The following ASIC2 variants were observed in gnomAD, a reference collection of about 807,000 sequenced individuals.
ASIC2 encodes acid-sensing ion channel 2.
Under a neutral mutation model 57.3 loss-of-function variants are expected in ASIC2, and 25 were observed. That is an observed-to-expected ratio of 0.44 (90% confidence interval 0.32 to 0.61). The LOEUF (loss-of-function observed/expected upper bound fraction) is 0.61, where lower values mean the gene tolerates loss of function less well. Ranked by LOEUF, ASIC2 falls within the 20% of genes least tolerant of loss-of-function variation. The pLI, the probability that ASIC2 is intolerant of heterozygous loss-of-function variation, is 0.06. For missense variants in ASIC2, 641 were observed against 738.1 expected (o/e 0.87, Z 1.52); for synonymous variants, 319 against 307.5 (o/e 1.04, Z -0.39).
chr17:33,081,604 C>T (rs2092113369), intron 3 of ASIC2, among the ~76,000 whole-genome samples: 1 of 151,734 alleles, frequency 6.6e-6, no homozygotes, highest in East Asian at 1.9e-4. Flanking sequence ...TAATGGGGTC[C>T]ATGAAACATG....
intron 1 of ASIC2, among the ~76,000 whole-genome samples, chr17:33,525,219 G>C (rs1035759769): frequency 1.3e-5 from 2 of 152,118 alleles, no homozygotes; most frequent in East Asian, 3.9e-4. Flanking sequence ...GCTAGACTGC[G>C]CAACACTTCC....
intron 1 of ASIC2, among the ~76,000 whole-genome samples, chr17:33,188,284 T>G (rs947468628): frequency 4.6e-5 from 7 of 151,980 alleles, no homozygotes; most frequent in African/African-American, 1.4e-4. Context: ...TACACAAAGT[T>G]AAAAGACAAA....
chr17:33,266,810 C>T (rs1432715479), intron 1 of ASIC2, among the ~76,000 whole-genome samples: 1 of 152,122 alleles, frequency 6.6e-6, no homozygotes, highest in Non-Finnish European at 1.5e-5. Context: ...GGCAGGGGGC[C>T]ATTACCTTGT....
At chr17:33,037,233 G>A (rs17734951) in intron 3 of ASIC2, among the ~76,000 whole-genome samples, 27,092 of 151,468 alleles carry the variant, frequency 0.18, 2,643 homozygotes, top group Middle Eastern at 0.23. Context: ...ATGCCTTTTG[G>A]GCAGGGACTG....
chr17:33,516,122 AAAC>A (rs1191613476), intron 1 of ASIC2, among the ~76,000 whole-genome samples: 1 of 151,518 alleles, frequency 6.6e-6, no homozygotes, highest in Non-Finnish European at 1.5e-5. Context: ...AAACAAAACA[AAAC>A]AAAACAAAAC....
intron 3 of ASIC2, among the ~76,000 whole-genome samples, chr17:33,068,675 G>C (rs984373769): frequency 2.0e-5 from 3 of 152,172 alleles, no homozygotes; most frequent in Non-Finnish European, 4.4e-5. Flanking sequence ...ATCACCCTTT[G>C]TACACATGGA....
chr17:33,186,142 G>T (rs750124594), intron 1 of ASIC2, among the ~76,000 whole-genome samples: 1 of 151,790 alleles, frequency 6.6e-6, no homozygotes, highest in African/African-American at 2.4e-5. Context: ...ACAGAGTCTC[G>T]CTTTGTTTCC....
At chr17:34,150,996 G>A (rs572838809) in intron 1 of ASIC2, among the ~76,000 whole-genome samples, 17 of 151,882 alleles carry the variant, frequency 1.1e-4, no homozygotes, top group Admixed American at 2.6e-4. Flanking sequence ...CCAGCTACTC[G>A]GGAAGCTGAG....
chr17:33,476,503 GCATATA>G (rs1175479384), intron 1 of ASIC2, among the ~76,000 whole-genome samples: 24 of 95,312 alleles, frequency 2.5e-4, no homozygotes, highest in South Asian at 9.8e-4. Context: ...GTGTGTGTGT[GCATATA>G]TATATATATA....
chr17:33,960,494 G>A (rs1486936866), intron 1 of ASIC2, among the ~76,000 whole-genome samples: 2 of 152,198 alleles, frequency 1.3e-5, no homozygotes, highest in Admixed American at 6.5e-5. Flanking sequence ...CACTCATGGA[G>A]AACTGTGAGC....
intron 1 of ASIC2, among the ~76,000 whole-genome samples, chr17:33,953,933 A>G (rs1453805638): frequency 6.6e-6 from 1 of 152,186 alleles, no homozygotes; most frequent in Non-Finnish European, 1.5e-5. Flanking sequence ...TTGCTGGGCA[A>G]TGGGGTTCCA....
chr17:33,706,076 T>A (rs1003517898), intron 1 of ASIC2, among the ~76,000 whole-genome samples: 2 of 152,050 alleles, frequency 1.3e-5, no homozygotes, highest in Non-Finnish European at 2.9e-5. Flanking sequence ...TACATATATA[T>A]GCACATGTAT....
At chr17:33,884,058 G>T (rs1350910841) in intron 1 of ASIC2, among the ~76,000 whole-genome samples, 1 of 152,162 alleles carries the variant, frequency 6.6e-6, no homozygotes, top group Non-Finnish European at 1.5e-5. Flanking sequence ...GATATTCCTT[G>T]TTTGCAACCG....
intron 1 of ASIC2, among the ~76,000 whole-genome samples, chr17:33,690,794 G>A (rs1194085030): frequency 8.4e-6 from 1 of 119,612 alleles, no homozygotes; most frequent in Non-Finnish European, 1.6e-5. Flanking sequence ...CTGTCACCCA[G>A]ACTGGAGTTC....
At chr17:33,592,336 T>G (rs8071379) in intron 1 of ASIC2, among the ~76,000 whole-genome samples, 48,465 of 152,212 alleles carry the variant, frequency 0.32, 8,813 homozygotes, top group African/African-American at 0.49. Context: ...AACCTTGGTG[T>G]TCACTAGCTG....
At position 33,323,829 on chromosome 17, in the gene ASIC2, G is replaced by C. The variant is rs541271880; in HGVS notation, c.556-211762C>G. 3.3e-5 allele frequency among the ~76,000 whole-genome samples: 5 copies of C among 152,326 alleles called. No homozygotes were observed. In the East Asian group the frequency reaches 9.6e-4, roughly 29 times the overall value. ...GCAAAGCTGATCTATGCTATTATAAGTCAGAACGGTAATTATAGTTGTAGT... is the reference window on the plus strand; with the variant it reads ...GCAAAGCTGATCTATGCTATTATAACTCAGAACGGTAATTATAGTTGTAGT... On this transcript the variant is annotated intron_variant, in intron 1 of 9. Coordinates refer to the ASIC2 transcript ENST00000359872.
chr17:33,690,049 C>G (rs1419988095), intron 1 of ASIC2, among the ~76,000 whole-genome samples: 1 of 152,192 alleles, frequency 6.6e-6, no homozygotes, highest in Non-Finnish European at 1.5e-5. Context: ...GTTATAGCAG[C>G]TCTAGGAAAC....
chr17:33,540,412 AG>A (rs1266039272), intron 1 of ASIC2, among the ~76,000 whole-genome samples: 1 of 152,084 alleles, frequency 6.6e-6, no homozygotes, highest in Non-Finnish European at 1.5e-5. Context: ...TATATTTTGG[AG>A]GGGGGCACAA....
intron 1 of ASIC2, among the ~76,000 whole-genome samples, chr17:33,186,935 A>T (rs532726253): frequency 6.6e-6 from 1 of 152,272 alleles, no homozygotes; most frequent in South Asian, 2.1e-4. Flanking sequence ...TCAGATTGTG[A>T]TGTGCGACGA....
Sources: gnomAD v4.1 joint callset for allele counts (sites outside exome capture counted in the v4.1 genomes callset) on GRCh38, gnomAD v4.1.1 for gene constraint, MANE v1.5 for transcripts, NCBI Gene and HGNC (gene_info 2026-07-23, HGNC 2026-07-21) for gene names.